The following DESI2 variants were observed in gnomAD, a reference collection of about 807,000 sequenced individuals.
DESI2 encodes desumoylating isopeptidase 2.
A neutral mutation model predicts 24.1 loss-of-function variants in DESI2; 10 were observed. The observed-to-expected ratio is 0.41, with a 90% CI of 0.26 to 0.70. DESI2 has a LOEUF of 0.70. Ranked by LOEUF, DESI2 falls within the 30% of genes least tolerant of loss-of-function variation. The pLI, the probability that DESI2 is intolerant of heterozygous loss-of-function variation, is 0.29. For missense variants in DESI2, 122 were observed against 234.9 expected, an observed-to-expected ratio of 0.52 and a Z score of 3.14; for synonymous variants, 71 against 87.7, an observed-to-expected ratio of 0.81 and a Z score of 1.06.
chr1:244,705,885 A>G lies in DESI2; in HGVS notation c.*96A>G, dbSNP rs1677679229. ...AGCATCCTTTAGATATTTTGTATGC[A>G]AAGATGGCTCTCCCCCAAATCCCAG... On this transcript the variant is annotated 3_prime_UTR_variant, in exon 5 of 5. Coordinates refer to ENST00000302550, the MANE Select transcript of DESI2 (RefSeq NM_016076.5). 3 of 865,096 alleles carry G rather than the reference A, an allele frequency of 3.5e-6. No individual in the cohort carries two copies. The highest frequency in any genetic ancestry group is 3.2e-4 in the Middle Eastern group (1 of 3,096). 53.6% of individuals were successfully genotyped at this position (865,096 alleles called of 1,614,324 possible).
At position 244,706,102 on chromosome 1, in the gene DESI2, A is replaced by T; in HGVS notation, c.*313A>T. ...ATCGCTGTTTACAAATCTTGCATGG[A>T]CTCCTGCCACAGTGAAAGAAGAAAA... On this transcript the variant is annotated 3_prime_UTR_variant, in exon 5 of 5. Transcript: ENST00000302550. 4.0e-6 allele frequency: 1 copy of T among 248,760 alleles called. No individual in the cohort carries two copies. The highest frequency in any genetic ancestry group is 7.8e-6 in the Non-Finnish European group (1 of 127,600). The allele number at this position is 248,760 out of a possible 1,614,324, so 15.4% of individuals were successfully genotyped here.
At chr1:244,658,708 T>A (rs530669511) in intron 1 of DESI2, among the ~76,000 whole-genome samples, 1 of 152,324 alleles carries the variant, frequency 6.6e-6, no homozygotes, top group African/African-American at 2.4e-5. Context: ...TTCCTCTTTG[T>A]GCCAAATGCC....
At chr1:244,697,780 C>T (rs917151385) in intron 4 of DESI2, among the ~76,000 whole-genome samples, 1 of 152,156 alleles carries the variant, frequency 6.6e-6, no homozygotes, top group East Asian at 1.9e-4. Flanking sequence ...AGAAAAAAGG[C>T]CCAAAAATTC....
chr1:244,688,264 ATATAAT>A, intron 2 of DESI2, among the ~76,000 whole-genome samples: 1 of 152,368 alleles, frequency 6.6e-6, no homozygotes, highest in Middle Eastern at 3.4e-3. Context: ...AAGAATCCAA[ATATAAT>A]CTTATCCCTT....
chr1:244,658,151 G>A (rs1342782611), intron 1 of DESI2, among the ~76,000 whole-genome samples: 1 of 152,118 alleles, frequency 6.6e-6, no homozygotes, highest in Non-Finnish European at 1.5e-5. Flanking sequence ...TCAGTCTCTA[G>A]TATTACTTCA....
At chr1:244,676,385 A>C (rs1676416911) in intron 1 of DESI2, among the ~76,000 whole-genome samples, 1 of 151,936 alleles carries the variant, frequency 6.6e-6, no homozygotes, top group Non-Finnish European at 1.5e-5. Context: ...CCTACAATCG[A>C]TTTTTATATA....
intron 1 of DESI2, among the ~76,000 whole-genome samples, chr1:244,676,569 G>T (rs943270100): frequency 1.3e-5 from 2 of 151,310 alleles, no homozygotes; most frequent in Admixed American, 1.3e-4. Context: ...TAATTGCCCT[G>T]GCTGGAATCT....
chr1:244,696,896 A>G lies in DESI2; in HGVS notation c.351+4876A>G, dbSNP rs1016178664. Among the ~76,000 whole-genome samples, 5 of 151,838 alleles carry G rather than the reference A, an allele frequency of 3.3e-5. No individual in the cohort carries two copies. The South Asian group carries it at 8.3e-4, about 25-fold the overall frequency. On this transcript the variant is annotated intron_variant, in intron 4 of 4. Transcript: ENST00000302550. ...TGGGATTTTGGCAGAGGACGCCTGC[A>G]TGACCAGCCCCCAATAGAAGTCTCG...
intron 1 of DESI2, among the ~76,000 whole-genome samples, chr1:244,660,431 G>C (rs1198042351): frequency 6.6e-6 from 1 of 152,190 alleles, no homozygotes; most frequent in Non-Finnish European, 1.5e-5. Context: ...CGCCCAAAGT[G>C]CTGGGATTAT....
chr1:244,670,544 AAGTACTTT>A (rs1426635080), intron 1 of DESI2, among the ~76,000 whole-genome samples: 1 of 152,218 alleles, frequency 6.6e-6, no homozygotes, highest in Non-Finnish European at 1.5e-5. Flanking sequence ...GCACTCTTCT[AAGTACTTT>A]ATACATACTA....
chr1:244,703,946 A>G (rs1677589597), intron 4 of DESI2, among the ~76,000 whole-genome samples: 1 of 152,130 alleles, frequency 6.6e-6, no homozygotes, highest in South Asian at 2.1e-4. Flanking sequence ...GGTGTGAGCC[A>G]CCGCGCTGGG....
At chr1:244,668,431 A>G (rs775887822) in intron 1 of DESI2, among the ~76,000 whole-genome samples, 3 of 152,198 alleles carry the variant, frequency 2.0e-5, no homozygotes, top group Non-Finnish European at 4.4e-5. Context: ...GCTTTTTAAA[A>G]ACTCAAAAAT....
At position 244,653,235 on chromosome 1, in the gene DESI2, G is replaced by A; in HGVS notation, c.-79G>A. 1 of 1,402,850 alleles carries A rather than the reference G, an allele frequency of 7.1e-7. No individual in the cohort carries two copies. The highest frequency in any genetic ancestry group is 9.4e-7 in the Non-Finnish European group (1 of 1,068,548). The allele number at this position is 1,402,850 out of a possible 1,614,324, so 86.9% of individuals were successfully genotyped here. A position where few individuals can be genotyped will look rare whatever the true frequency, so the allele number is the denominator to read the frequency against. ...GTGCCCGGCTCAGGCCCCCTGAAGC[G>A]CCCGCGGGGGTGAGAGCGGCCTCCG... On this transcript the variant is annotated 5_prime_UTR_variant, in exon 1 of 5. Coordinates refer to ENST00000302550, the MANE Select transcript of DESI2 (RefSeq NM_016076.5).
chr1:244,693,421 C>T (rs1392739919), intron 4 of DESI2, among the ~76,000 whole-genome samples: 1 of 148,670 alleles, frequency 6.7e-6, no homozygotes, highest in Non-Finnish European at 1.5e-5. Flanking sequence ...CATATGAGTG[C>T]TGAATTGTTT....
At chr1:244,694,639 G>T in intron 4 of DESI2, 1 of 840,540 alleles carries the variant, frequency 1.2e-6, no homozygotes, top group Non-Finnish European at 2.1e-6. Flanking sequence ...AACTTCTGAA[G>T]GTGGTAGGCC....
intron 1 of DESI2, among the ~76,000 whole-genome samples, chr1:244,685,812 C>G (rs963258155): frequency 6.6e-6 from 1 of 152,140 alleles, no homozygotes; most frequent in African/African-American, 2.4e-5. Context: ...GCTCTTAACT[C>G]ATTTACCTTT....
At chr1:244,700,601 A>T (rs912072317) in intron 4 of DESI2, among the ~76,000 whole-genome samples, 1 of 152,180 alleles carries the variant, frequency 6.6e-6, no homozygotes, top group Admixed American at 6.5e-5. Flanking sequence ...TACTGAATTG[A>T]TAATTGTTTC....
chr1:244,688,589 T>G (rs1310843942), intron 2 of DESI2, among the ~76,000 whole-genome samples: 1 of 152,206 alleles, frequency 6.6e-6, no homozygotes, highest in Non-Finnish European at 1.5e-5. Context: ...TTATCTAAAA[T>G]TATTCTCCAT....
chr1:244,677,777 T>C (rs1400394962), intron 1 of DESI2, among the ~76,000 whole-genome samples: 1 of 152,030 alleles, frequency 6.6e-6, no homozygotes, highest in Non-Finnish European at 1.5e-5. Flanking sequence ...AAAATTAGCC[T>C]GGCATGGTGG....
Sources: gnomAD v4.1 joint callset for allele counts (sites outside exome capture counted in the v4.1 genomes callset) on GRCh38, gnomAD v4.1.1 for gene constraint, MANE v1.5 for transcripts, NCBI Gene and HGNC (gene_info 2026-07-23, HGNC 2026-07-21) for gene names.